Variants in NUDCD1 observed in about 807,000 individuals in gnomAD.
NUDCD1 encodes the protein NudC domain containing 1.
In NUDCD1, 60 loss-of-function variants were observed where a neutral mutation model predicts 67.8. The observed-to-expected ratio is 0.88, with a 90% CI of 0.72 to 1.10. The LOEUF (loss-of-function observed/expected upper bound fraction) is 1.10. Among genes scored for constraint, NUDCD1 ranks in the 50% least tolerant of loss-of-function variants. NUDCD1 has a pLI of 0.00. For synonymous variants in NUDCD1, 244 were observed against 230.8 expected, an observed-to-expected ratio of 1.06 and a Z score of -0.52; for missense variants, 643 against 695.0, an observed-to-expected ratio of 0.93 and a Z score of 0.84.
intron 5 of NUDCD1, among the ~76,000 whole-genome samples, chr8:109,281,641 C>T (rs907630762): frequency 2.0e-5 from 3 of 152,176 alleles, no homozygotes; most frequent in East Asian, 1.9e-4. Flanking sequence ...AAATCACATG[C>T]ACTTTTAGTA....
chr8:109,302,048 C>A (rs776985359), intron 2 of NUDCD1, among the ~76,000 whole-genome samples: 1 of 152,182 alleles, frequency 6.6e-6, no homozygotes, highest in Non-Finnish European at 1.5e-5. Context: ...TTTCTCTGGG[C>A]TTGCCTCCTT....
intron 8 of NUDCD1, among the ~76,000 whole-genome samples, chr8:109,270,069 G>A (rs1401276394): frequency 2.2e-5 from 1 of 45,968 alleles, no homozygotes; most frequent in Non-Finnish European, 4.3e-5. Context: ...GGCGGGGGCG[G>A]GGGGGGGGGG....
rs754756328 is a variant in NUDCD1, at chr8:109,296,584, C to T, written c.274-15G>A. ...AAGGCAGTGTCCTAAAAAGACCAAA[C>T]ATTATACATTAATCTCTTCCTCTTC... On this transcript the variant is annotated splice_polypyrimidine_tract_variant and intron_variant, in intron 2 of 9. Coordinates refer to ENST00000239690, the MANE Select transcript of NUDCD1 (RefSeq NM_032869.4). The T allele has an allele frequency of 1.3e-6, 2 of 1,535,052 alleles. No homozygotes were observed. The highest frequency in any genetic ancestry group is 1.8e-5 in the Admixed American group (1 of 55,804).
chr8:109,253,919 T>C (rs1317207064), intron 8 of NUDCD1, among the ~76,000 whole-genome samples: 3 of 152,166 alleles, frequency 2.0e-5, no homozygotes, highest in Non-Finnish European at 4.4e-5. Context: ...AAGTAAAACA[T>C]TATCCATTAT....
chr8:109,270,261 G>A (rs546106409), intron 8 of NUDCD1, among the ~76,000 whole-genome samples: 2 of 151,268 alleles, frequency 1.3e-5, no homozygotes, highest in Non-Finnish European at 2.9e-5. Flanking sequence ...CATACAAATT[G>A]GTAAGAAACA....
At chr8:109,264,780 T>C (rs1181942610) in intron 8 of NUDCD1, among the ~76,000 whole-genome samples, 1 of 151,746 alleles carries the variant, frequency 6.6e-6, no homozygotes, top group Non-Finnish European at 1.5e-5. Flanking sequence ...GAAGCAGATA[T>C]AAGGATTCAA....
chr8:109,248,634 T>C (rs533852657), intron 8 of NUDCD1, among the ~76,000 whole-genome samples: 2 of 151,684 alleles, frequency 1.3e-5, no homozygotes, highest in African/African-American at 4.8e-5. Flanking sequence ...ACTTAGTACA[T>C]AGTTCTCTGT....
At chr8:109,313,049 C>A (rs1322467492) in intron 2 of NUDCD1, among the ~76,000 whole-genome samples, 1 of 152,178 alleles carries the variant, frequency 6.6e-6, no homozygotes, top group Non-Finnish European at 1.5e-5. Flanking sequence ...TGACAGTATT[C>A]AATCTAGAAT....
At chr8:109,283,728 C>A (rs922732334) in intron 5 of NUDCD1, among the ~76,000 whole-genome samples, 2 of 152,116 alleles carry the variant, frequency 1.3e-5, no homozygotes, top group East Asian at 1.9e-4. Context: ...CAAGCAAGCA[C>A]TAAGACAATC....
intron 2 of NUDCD1, among the ~76,000 whole-genome samples, chr8:109,302,784 C>T (rs778330546): frequency 3.3e-5 from 5 of 152,134 alleles, no homozygotes; most frequent in Non-Finnish European, 5.9e-5. Flanking sequence ...AACCCTCAGA[C>T]GCTTTACCGC....
chr8:109,245,300 T>C (rs1293179898), intron 9 of NUDCD1, 22 bp downstream of exon 9: 3 of 1,585,490 alleles, frequency 1.9e-6, no homozygotes, highest in Admixed American at 3.6e-5. Flanking sequence ...TCATGGAAAA[T>C]GTCAAAGAGT....
chr8:109,269,251 T>C (rs2125513), intron 8 of NUDCD1, among the ~76,000 whole-genome samples: 3 of 152,072 alleles, frequency 2.0e-5, no homozygotes, highest in Non-Finnish European at 4.4e-5. Context: ...CAAGAGAGCA[T>C]TGAAGAGATA....
chr8:109,279,274 C>T lies in NUDCD1; in HGVS notation c.1028+1694G>A, dbSNP rs72682643. 5.6e-3 allele frequency among the ~76,000 whole-genome samples: 859 copies of T among 152,234 alleles called. 7 individuals carry two copies. Among genetic ancestry groups the T allele is most frequent in the Middle Eastern group, 0.027 (8 of 294 alleles). ...GAGTTGCTGGTGCCCCACATCCTTG[C>T]CAACGTTTGATACTGTCAGTCTTCA... On this transcript the variant is annotated intron_variant, in intron 6 of 9. Coordinates refer to ENST00000239690, the MANE Select transcript of NUDCD1 (RefSeq NM_032869.4).
intron 8 of NUDCD1, 56 bp downstream of exon 8, chr8:109,270,949 T>C (rs1814139056): frequency 2.7e-5 from 32 of 1,171,140 alleles, no homozygotes; most frequent in Admixed American, 1.1e-4. Context: ...TTTAGACCAA[T>C]CATTATCTGA....
At chr8:109,261,050 G>A (rs1813854112) in intron 8 of NUDCD1, among the ~76,000 whole-genome samples, 1 of 152,132 alleles carries the variant, frequency 6.6e-6, no homozygotes, top group Non-Finnish European at 1.5e-5. Context: ...AAGACTCTAA[G>A]ATAATTTAAG....
At position 109,280,957 on chromosome 8, in the gene NUDCD1, A is replaced by T. The variant is rs565828539; in HGVS notation, c.1028+11T>A. On this transcript the variant is annotated intron_variant, in intron 6 of 9. Coordinates refer to ENST00000239690, the MANE Select transcript of NUDCD1 (RefSeq NM_032869.4). ...ATAATAGAATATTAAAGTAAAATTA[A>T]AAAAAAATACCTATTACTCTCTTTA... The T allele has an allele frequency of 2.2e-3, 2,612 of 1,203,622 alleles. 37 individuals carry two copies. The African/African-American group carries it at 0.064, about 30-fold the overall frequency. The allele number at this position is 1,203,622 out of a possible 1,614,324, so 74.6% of individuals were successfully genotyped here.
chr8:109,276,335 T>A (rs979187024), intron 6 of NUDCD1, among the ~76,000 whole-genome samples: 1 of 152,196 alleles, frequency 6.6e-6, no homozygotes, highest in Non-Finnish European at 1.5e-5. Flanking sequence ...CACCCACTGC[T>A]ATAACAGAAA....
intron 8 of NUDCD1, among the ~76,000 whole-genome samples, chr8:109,268,661 A>G (rs1006845031): frequency 3.3e-5 from 5 of 152,180 alleles, no homozygotes; most frequent in African/African-American, 1.2e-4. Flanking sequence ...AGTTTGGCAG[A>G]AAACAGTATC....
intron 2 of NUDCD1, among the ~76,000 whole-genome samples, chr8:109,320,983 A>G (rs1815519986): frequency 6.6e-6 from 1 of 152,262 alleles, no homozygotes; most frequent in South Asian, 2.1e-4. Flanking sequence ...TAGGATAGAT[A>G]AAAGATGGGA....
Sources: gnomAD v4.1 joint callset for allele counts (sites outside exome capture counted in the v4.1 genomes callset) on GRCh38, gnomAD v4.1.1 for gene constraint, MANE v1.5 for transcripts, NCBI Gene and HGNC (gene_info 2026-07-23, HGNC 2026-07-21) for gene names.